The following SLC24A3 variants were observed in gnomAD, a reference collection of about 807,000 sequenced individuals.
SLC24A3 encodes the protein sodium/potassium/calcium exchanger 3.
A neutral mutation model predicts 75.8 loss-of-function variants in SLC24A3; 28 were observed. That is an observed-to-expected ratio of 0.37 (90% CI 0.27 to 0.51). The LOEUF is 0.51. Ranked by LOEUF, SLC24A3 falls within the 20% of genes least tolerant of loss-of-function variation. SLC24A3 has a pLI of 0.94. For missense variants in SLC24A3, 663 were observed against 847.8 expected (o/e 0.78, Z 2.71); for synonymous variants, 372 against 334.1 (o/e 1.11, Z -1.24).
rs550084284 is a variant in SLC24A3 at position 19,216,838 on chromosome 20, T to C, written c.142+3854T>C. Reference sequence around the variant, plus strand: ...GCTTATGGATACTTTGGGTCAGGAATTTGGATGGGGGTAATGGGGCTGGCT... The same window carrying C: ...GCTTATGGATACTTTGGGTCAGGAACTTGGATGGGGGTAATGGGGCTGGCT... On this transcript the variant is annotated intron_variant, in intron 1 of 16. Coordinates refer to ENST00000328041, the MANE Select transcript of SLC24A3 (RefSeq NM_020689.4). Among the ~76,000 whole-genome samples, 4 of 152,214 alleles carry C rather than the reference T, an allele frequency of 2.6e-5. No homozygotes were observed. The South Asian group carries it at 8.3e-4, about 32-fold the overall frequency.
intron 2 of SLC24A3, among the ~76,000 whole-genome samples, chr20:19,325,382 G>T (rs1479131603): frequency 6.6e-6 from 1 of 151,822 alleles, no homozygotes; most frequent in Non-Finnish European, 1.5e-5. Flanking sequence ...GGAGTTCAAG[G>T]CTGCAATGTG....
At position 19,562,556 on chromosome 20, in the gene SLC24A3, A is replaced by G. The variant is rs2030890957; in HGVS notation, c.349-17444A>G. ...CTAGTTAGAAGTCCATAGTAATCAT[A>G]TGGTAATTATTTTAATGGGTTGTCA... On this transcript the variant is annotated intron_variant, in intron 3 of 16. Transcript: ENST00000328041. 3.3e-5 allele frequency among the ~76,000 whole-genome samples: 5 copies of G among 152,216 alleles called. No individual in the cohort carries two copies. The South Asian group carries it at 8.3e-4, about 25-fold the overall frequency.
chr20:19,674,948 G>A (rs1010589683), intron 9 of SLC24A3, among the ~76,000 whole-genome samples: 3 of 152,180 alleles, frequency 2.0e-5, no homozygotes, highest in African/African-American at 7.2e-5. Flanking sequence ...AGCTACTTGG[G>A]AGGAGGCAGG....
intron 2 of SLC24A3, among the ~76,000 whole-genome samples, chr20:19,348,440 C>A (rs1002805959): frequency 6.6e-6 from 1 of 152,170 alleles, no homozygotes; most frequent in Non-Finnish European, 1.5e-5. Flanking sequence ...ACGTATAGGG[C>A]ATTTCCATCA....
At chr20:19,286,173 G>A (rs530153393) in intron 2 of SLC24A3, among the ~76,000 whole-genome samples, 11 of 152,208 alleles carry the variant, frequency 7.2e-5, no homozygotes, top group African/African-American at 2.2e-4. Context: ...CCAAAGTCAG[G>A]CTGGCAGGGC....
intron 1 of SLC24A3, among the ~76,000 whole-genome samples, chr20:19,269,926 C>T (rs948160965): frequency 6.6e-6 from 1 of 152,182 alleles, no homozygotes; most frequent in Non-Finnish European, 1.5e-5. Context: ...GCATGCATAC[C>T]TTCATCATGA....
In SLC24A3 at chr20:19,644,999, C is replaced by T. The variant is rs1004734178; in HGVS notation, c.613-9063C>T. Among the ~76,000 whole-genome samples the T allele has an allele frequency of 7.2e-5, 11 of 152,296 alleles. No individual in the cohort carries two copies. The South Asian group carries it at 1.0e-3, about 14-fold the overall frequency. On this transcript the variant is annotated intron_variant, in intron 6 of 16. Coordinates refer to ENST00000328041, the MANE Select transcript of SLC24A3 (RefSeq NM_020689.4). Reference sequence around the variant, plus strand: ...TGAGCTGTATCTGTGATGTCGTCTCCGATAGAAATGTGAGCAATTGCGTGC... The same window carrying T: ...TGAGCTGTATCTGTGATGTCGTCTCTGATAGAAATGTGAGCAATTGCGTGC...
intron 2 of SLC24A3, among the ~76,000 whole-genome samples, chr20:19,315,222 A>G (rs145697208): frequency 2.0e-5 from 3 of 152,228 alleles, no homozygotes; most frequent in South Asian, 2.1e-4. Context: ...GGCAGACCTG[A>G]TTTCCCTCTT....
chr20:19,354,612 GTGTGTGTGTGTA>G (rs1187696916), intron 2 of SLC24A3, among the ~76,000 whole-genome samples: 50 of 143,504 alleles, frequency 3.5e-4, no homozygotes, highest in African/African-American at 1.1e-3. Context: ...GTGTGTGTGT[GTGTGTGTGTGTA>G]TGTGTGTATG....
chr20:19,585,291 A>T (rs965572593), intron 5 of SLC24A3, 150 bp from the exon 6 acceptor site: 74 of 777,384 alleles, frequency 9.5e-5, no homozygotes, highest in Non-Finnish European at 1.4e-4. Context: ...TGCAGCTATC[A>T]TCCCTCTGTA....
At chr20:19,601,519 A>C (rs753049046) in intron 6 of SLC24A3, among the ~76,000 whole-genome samples, 16 of 152,152 alleles carry the variant, frequency 1.1e-4, no homozygotes, top group Non-Finnish European at 2.2e-4. Flanking sequence ...GGGTGAACCC[A>C]TGCTCCCCCT....
chr20:19,334,076 G>A (rs1440700226), intron 2 of SLC24A3, among the ~76,000 whole-genome samples: 14 of 151,722 alleles, frequency 9.2e-5, no homozygotes, highest in Non-Finnish European at 1.5e-4. Context: ...AAATAGACAA[G>A]TGTGACTATG....
intron 4 of SLC24A3, among the ~76,000 whole-genome samples, chr20:19,580,844 G>T (rs1229534643): frequency 2.0e-5 from 3 of 152,060 alleles, no homozygotes; most frequent in Non-Finnish European, 2.9e-5. Flanking sequence ...TCGAGAACTC[G>T]GTTTCTTTAT....
Position 19,390,909 on chromosome 20 carries a change from G to A in SLC24A3, c.271+109822G>A, listed in dbSNP as rs187102843. Among the ~76,000 whole-genome samples the A allele has an allele frequency of 2.5e-3, 385 of 152,236 alleles. 1 individual carries two copies. Among genetic ancestry groups the A allele is most frequent in the African/African-American group, 9.0e-3 (373 of 41,560 alleles). On this transcript the variant is annotated intron_variant, in intron 2 of 16. Transcript: ENST00000328041. ...GCACTAGGTGGTCCTGAATTCTGAG[G>A]CTGCAGGGGCTTGCCTGGAAGTGTA... is the stretch of plus-strand genomic sequence containing the variant.
intron 9 of SLC24A3, among the ~76,000 whole-genome samples, chr20:19,680,321 A>G (rs918262766): frequency 2.0e-5 from 3 of 152,054 alleles, no homozygotes; most frequent in Admixed American, 6.6e-5. Context: ...CCCTTGGCCT[A>G]TGTGTTTCCT....
intron 1 of SLC24A3, among the ~76,000 whole-genome samples, chr20:19,243,716 G>A (rs1982399574): frequency 6.6e-6 from 1 of 152,106 alleles, no homozygotes; most frequent in Non-Finnish European, 1.5e-5. Context: ...CCCTCTTACA[G>A]TCCCTGTTTC....
intron 9 of SLC24A3, among the ~76,000 whole-genome samples, chr20:19,675,269 T>C (rs2032510090): frequency 6.6e-6 from 1 of 152,218 alleles, no homozygotes; most frequent in South Asian, 2.1e-4. Flanking sequence ...CCAACATATG[T>C]AGCCGTAGGA....
intron 2 of SLC24A3, among the ~76,000 whole-genome samples, chr20:19,462,329 G>A (rs1193263657): frequency 2.0e-5 from 3 of 151,186 alleles, no homozygotes; most frequent in Non-Finnish European, 2.9e-5. Context: ...GCACGATCTC[G>A]GCTCACTGCA....
intron 6 of SLC24A3, among the ~76,000 whole-genome samples, chr20:19,638,459 T>A (rs989729498): frequency 6.6e-6 from 1 of 152,294 alleles, no homozygotes; most frequent in African/African-American, 2.4e-5. Context: ...AATATGGGAA[T>A]AAAGTCCTTA....
Sources: allele counts gnomAD v4.1 joint callset (sites outside exome capture counted in the v4.1 genomes callset), GRCh38; gene constraint gnomAD v4.1.1; transcripts MANE v1.5; gene names NCBI Gene and HGNC (gene_info 2026-07-23, HGNC 2026-07-21).